Variants in PRORP observed in about 807,000 individuals in gnomAD.
PRORP encodes protein only RNase P catalytic subunit, also known as mitochondrial ribonuclease P catalytic subunit.
Under a neutral mutation model 59.4 loss-of-function variants are expected in PRORP, and 51 were observed. The ratio of observed to expected loss-of-function variants is 0.86; its 90% CI spans 0.69 to 1.08. The LOEUF (loss-of-function observed/expected upper bound fraction) is 1.08. Among genes scored for constraint, PRORP ranks in the 50% least tolerant of loss-of-function variants. The probability of loss-of-function intolerance (pLI) is 0.00; values close to 1 mark genes in which losing one functional copy is unlikely to be tolerated. For missense variants in PRORP, 646 were observed against 690.3 expected, an observed-to-expected ratio of 0.94 and a Z score of 0.72; for synonymous variants, 231 against 245.6, an observed-to-expected ratio of 0.94 and a Z score of 0.55.
intron 4 of PRORP, among the ~76,000 whole-genome samples, chr14:35,150,225 C>T (rs1407186535): frequency 2.6e-5 from 4 of 152,200 alleles, no homozygotes. Context: ...ACCGGAGACT[C>T]TTCCTTTCAC....
chr14:35,176,947 G>T lies in PRORP; in HGVS notation c.1168-3723G>T, dbSNP rs570484561. On this transcript the variant is annotated intron_variant, in intron 4 of 7. Coordinates refer to ENST00000534898, the MANE Select transcript of PRORP (RefSeq NM_014672.4). ...ACCTAATTTATTGAGAGTTTTTAGC[G>T]TGAAGGGCTGTTGAATTTTGTCAAA... is the stretch of plus-strand genomic sequence containing the variant. Among the ~76,000 whole-genome samples, 47 of 152,154 alleles carry T rather than the reference G, an allele frequency of 3.1e-4. No homozygotes were observed. In the East Asian group the frequency reaches 6.8e-3, roughly 22 times the overall value.
chr14:35,190,140 T>A (rs1358202666), intron 5 of PRORP, among the ~76,000 whole-genome samples: 4 of 151,372 alleles, frequency 2.6e-5, no homozygotes, highest in Non-Finnish European at 5.9e-5. Context: ...ATCTCATGCC[T>A]GTAATCCCAG....
intron 5 of PRORP, among the ~76,000 whole-genome samples, chr14:35,187,858 T>TA (rs1234538676): frequency 1.3e-5 from 2 of 151,976 alleles, no homozygotes; most frequent in Non-Finnish European, 2.9e-5. Context: ...TTTTTTTTTT[T>TA]ATTTTTTGAG....
Position 35,216,212 on chromosome 14 carries a change from C to G in PRORP, c.1275+35435C>G, listed in dbSNP as rs527355833. On this transcript the variant is annotated intron_variant, in intron 5 of 7. Coordinates refer to ENST00000534898, the MANE Select transcript of PRORP (RefSeq NM_014672.4). The stretch of plus-strand genomic sequence containing the variant: ...TTTAACATTTTGATGTATTTTCACT[C>G]TTATTCAACTTCTTCCCATAAAATT... 3.4e-5 allele frequency among the ~76,000 whole-genome samples: 5 copies of G among 146,806 alleles called. No homozygotes were observed. The South Asian group carries it at 1.1e-3, about 31-fold the overall frequency.
At chr14:35,163,769 A>C (rs2048117490) in intron 4 of PRORP, among the ~76,000 whole-genome samples, 1 of 151,974 alleles carries the variant, frequency 6.6e-6, no homozygotes, top group African/African-American at 2.4e-5. Context: ...TAATTAGTTA[A>C]TTAATTAGGT....
At chr14:35,182,834 G>A (rs918440007) in intron 5 of PRORP, among the ~76,000 whole-genome samples, 7 of 152,090 alleles carry the variant, frequency 4.6e-5, no homozygotes, top group African/African-American at 1.7e-4. Context: ...TGGATGATTT[G>A]TCTGTAACTT....
At chr14:35,140,920 T>C (rs1045539154) in intron 4 of PRORP, among the ~76,000 whole-genome samples, 1 of 146,340 alleles carries the variant, frequency 6.8e-6, no homozygotes, top group African/African-American at 2.4e-5. Context: ...ATGGCAATAA[T>C]GTAACATATA....
At chr14:35,246,490 C>G (rs1223107785) in intron 5 of PRORP, among the ~76,000 whole-genome samples, 2 of 152,148 alleles carry the variant, frequency 1.3e-5, no homozygotes, top group East Asian at 1.9e-4. Context: ...ACTTCCAGTT[C>G]TGGAGTCTTT....
chr14:35,236,865 A>T (rs2050227872), intron 5 of PRORP, among the ~76,000 whole-genome samples: 1 of 152,060 alleles, frequency 6.6e-6, no homozygotes, highest in Non-Finnish European at 1.5e-5. Context: ...CCAAATGTTC[A>T]CCAAGTCTTG....
intron 4 of PRORP, among the ~76,000 whole-genome samples, chr14:35,159,531 A>G (rs983791706): frequency 6.6e-6 from 1 of 152,054 alleles, no homozygotes; most frequent in Non-Finnish European, 1.5e-5. Flanking sequence ...AGTTTTTCAT[A>G]TCAGTATCTA....
intron 4 of PRORP, among the ~76,000 whole-genome samples, chr14:35,152,733 C>T (rs1453482528): frequency 3.4e-5 from 5 of 146,112 alleles, no homozygotes; most frequent in Non-Finnish European, 6.0e-5. Context: ...CGGGCAGAGA[C>T]GCTCCTCACC....
intron 5 of PRORP, among the ~76,000 whole-genome samples, chr14:35,189,530 A>C (rs1161115384): frequency 2.6e-5 from 4 of 151,808 alleles, no homozygotes; most frequent in Non-Finnish European, 5.9e-5. Context: ...GAAACTTGGC[A>C]GGGAATTATT....
At chr14:35,163,665 C>T (rs538215335) in intron 4 of PRORP, among the ~76,000 whole-genome samples, 19 of 152,092 alleles carry the variant, frequency 1.2e-4, no homozygotes, top group South Asian at 8.3e-4. Flanking sequence ...GATATTAGAC[C>T]ATTGTTGGAT....
At chr14:35,224,017 A>G (rs1288604322) in intron 5 of PRORP, among the ~76,000 whole-genome samples, 1 of 152,148 alleles carries the variant, frequency 6.6e-6, no homozygotes, top group African/African-American at 2.4e-5. Context: ...CTAATAAGGG[A>G]AGTGATATAT....
In PRORP at chr14:35,126,998, A is replaced by T. The variant is rs573903710; in HGVS notation, c.1034+216A>T. On this transcript the variant is annotated intron_variant, in intron 3 of 7. Coordinates refer to ENST00000534898, the MANE Select transcript of PRORP (RefSeq NM_014672.4). ...TGTGAACCTATATGAAGTCTTAGAGATGTTTTTTCCCTAGAGGTTCCAGAC... is the reference window on the plus strand; with the variant it reads ...TGTGAACCTATATGAAGTCTTAGAGTTGTTTTTTCCCTAGAGGTTCCAGAC... Among the ~76,000 whole-genome samples, 3 of 152,296 alleles carry T rather than the reference A, an allele frequency of 2.0e-5. No homozygotes were observed. The South Asian group carries it at 6.2e-4, about 32-fold the overall frequency.
chr14:35,144,008 A>C lies in PRORP; in HGVS notation c.1167+16397A>C, dbSNP rs577398051. The C allele has an allele frequency of 1.4e-5, 2 of 146,124 alleles. 1 individual carries two copies. The highest frequency in any genetic ancestry group is 3.0e-5 in the Non-Finnish European group (2 of 65,840). The allele number at this position is 146,124 out of a possible 1,614,324, so 9.1% of individuals were successfully genotyped here. A position where few individuals can be genotyped will look rare whatever the true frequency, so the allele number is the denominator to read the frequency against. On this transcript the variant is annotated intron_variant, in intron 4 of 7. Transcript: ENST00000534898. ...AAAACCCTTATATTTAGAATTAGCTATTCGGACTCAGTTTAGGTTATCCCA... is the reference window on the plus strand; with the variant it reads ...AAAACCCTTATATTTAGAATTAGCTCTTCGGACTCAGTTTAGGTTATCCCA...
At chr14:35,170,212 A>G (rs919254412) in intron 4 of PRORP, among the ~76,000 whole-genome samples, 5 of 152,110 alleles carry the variant, frequency 3.3e-5, no homozygotes, top group African/African-American at 1.2e-4. Context: ...CATCTATTAT[A>G]GATAGCATTT....
intron 4 of PRORP, among the ~76,000 whole-genome samples, chr14:35,151,245 A>C (rs550977456): frequency 6.6e-6 from 1 of 152,028 alleles, no homozygotes; most frequent in African/African-American, 2.4e-5. Flanking sequence ...GCTTAAATGT[A>C]TCGATTTTAT....
chr14:35,176,495 T>C (rs2048453609), intron 4 of PRORP, among the ~76,000 whole-genome samples: 1 of 152,196 alleles, frequency 6.6e-6, no homozygotes, highest in Non-Finnish European at 1.5e-5. Context: ...TTTATTCTCT[T>C]AGTAGCAATT....
Sources: allele counts gnomAD v4.1 joint callset (sites outside exome capture counted in the v4.1 genomes callset), GRCh38; gene constraint gnomAD v4.1.1; transcripts MANE v1.5; gene names NCBI Gene and HGNC (gene_info 2026-07-23, HGNC 2026-07-21).